Variants in TNS1 observed in about 807,000 individuals in gnomAD.
TNS1 encodes tensin-1.
A neutral mutation model predicts 168.6 loss-of-function variants in TNS1; 62 were observed. That is an observed-to-expected ratio of 0.37 (90% CI 0.30 to 0.45). The LOEUF is 0.45. Ranked by LOEUF, TNS1 falls within the 20% of genes least tolerant of loss-of-function variation. The pLI, the probability that TNS1 is intolerant of heterozygous loss-of-function variation, is 1.00. For synonymous variants in TNS1, 934 were observed against 933.2 expected, an observed-to-expected ratio of 1.00 and a Z score of -0.02; for missense variants, 2,240 against 2,339.4, an observed-to-expected ratio of 0.96 and a Z score of 0.88.
chr2:217,826,930 G>A (rs1943710600), intron 22 of TNS1, among the ~76,000 whole-genome samples: 1 of 152,124 alleles, frequency 6.6e-6, no homozygotes, highest in Non-Finnish European at 1.5e-5. Context: ...GAGAGAAGGG[G>A]CACACCCACC....
At chr2:217,886,810 T>C (rs13382502) in intron 12 of TNS1, among the ~76,000 whole-genome samples, 164 bp from the exon 13 acceptor site, 6,980 of 152,092 alleles carry the variant, frequency 0.046, 538 homozygotes, top group African/African-American at 0.16. Context: ...CCAGACATGC[T>C]TGCCTGCTGC....
intron 3 of TNS1, among the ~76,000 whole-genome samples, chr2:217,973,452 C>T (rs1957820285): frequency 6.6e-6 from 1 of 150,804 alleles, no homozygotes; most frequent in African/African-American, 2.4e-5. Context: ...CAACTGGGGA[C>T]AGATAAGGAC....
intron 3 of TNS1, among the ~76,000 whole-genome samples, chr2:217,946,728 CT>C (rs1368053124): frequency 2.0e-5 from 3 of 151,928 alleles, no homozygotes; most frequent in Non-Finnish European, 4.4e-5. Context: ...TATCCATCCC[CT>C]ACCCCATCAT....
intron 3 of TNS1, among the ~76,000 whole-genome samples, chr2:217,970,909 TAA>T (rs1162881945): frequency 6.9e-6 from 1 of 145,640 alleles, no homozygotes. Context: ...ATAAAGTTGT[TAA>T]AAAAAAAAAC....
Position 218,033,440 on chromosome 2 carries a change from G to C in TNS1, c.156+380C>G, listed in dbSNP as rs1435668512. ...ACTCCAGAGTCCTCCTAAATGAAGGGACACTGCCAGAGCTGCCCCTTGGTC... is the reference window on the plus strand; with the variant it reads ...ACTCCAGAGTCCTCCTAAATGAAGGCACACTGCCAGAGCTGCCCCTTGGTC... On this transcript the variant is annotated intron_variant, in intron 1 of 1. Transcript: ENST00000649572. The surrounding 1 kb of genome is among the most constrained non-coding windows in gnomAD (Gnocchi z 4.3). Among the ~76,000 whole-genome samples, 3 of 152,082 alleles carry C rather than the reference G, an allele frequency of 2.0e-5. No homozygotes were observed. Among genetic ancestry groups the C allele is most frequent in the Non-Finnish European group, 4.4e-5 (3 of 67,986 alleles).
intron 19 of TNS1, among the ~76,000 whole-genome samples, chr2:217,846,312 A>T (rs761462787): frequency 2.0e-5 from 3 of 152,142 alleles, no homozygotes; most frequent in Non-Finnish European, 4.4e-5. Flanking sequence ...GCTCTGAAGT[A>T]TAGGAGCAGG....
chr2:217,983,732 C>T (rs926413530), intron 2 of TNS1, among the ~76,000 whole-genome samples: 1 of 152,232 alleles, frequency 6.6e-6, no homozygotes, highest in Non-Finnish European at 1.5e-5. Flanking sequence ...GGCTTCAGCT[C>T]CTTCCATGGC....
intron 28 of TNS1, 34 bp from the exon 29 acceptor site, chr2:217,810,353 A>G (rs1181388009): frequency 3.1e-6 from 5 of 1,608,156 alleles, no homozygotes; most frequent in Non-Finnish European, 4.3e-6. Flanking sequence ...TTAAAACCCT[A>G]GAGCTGGAAA....
intron 18 of TNS1, among the ~76,000 whole-genome samples, chr2:217,873,743 A>G (rs936027612): frequency 6.6e-6 from 1 of 152,172 alleles, no homozygotes; most frequent in Non-Finnish European, 1.5e-5. Context: ...ACTTTTGGGC[A>G]GTTGGACAGG....
intron 3 of TNS1, among the ~76,000 whole-genome samples, chr2:217,946,959 T>TCACAAACACA (rs1203032369): frequency 7.8e-6 from 1 of 128,666 alleles, no homozygotes; most frequent in Non-Finnish European, 1.5e-5. Context: ...TCTCTCTCTC[T>TCACAAACACA]CTCTCTCTCT....
At chr2:218,028,937 C>T (rs1453663369) in intron 1 of TNS1, among the ~76,000 whole-genome samples, 1 of 152,234 alleles carries the variant, frequency 6.6e-6, no homozygotes, top group Non-Finnish European at 1.5e-5. Flanking sequence ...TCTGCCTTAG[C>T]TTGCCTGCCC....
At chr2:217,968,809 G>A (rs558721829) in intron 3 of TNS1, among the ~76,000 whole-genome samples, 18 of 151,978 alleles carry the variant, frequency 1.2e-4, no homozygotes, top group Non-Finnish European at 2.4e-4. Context: ...ATCTTCCTAC[G>A]TCAGCCTCCC....
intron 22 of TNS1, among the ~76,000 whole-genome samples, chr2:217,828,845 C>T (rs1002803790): frequency 1.3e-5 from 2 of 152,188 alleles, no homozygotes; most frequent in East Asian, 3.8e-4. Flanking sequence ...CTGAGATCCC[C>T]GAAAGACAGA....
intron 1 of TNS1, among the ~76,000 whole-genome samples, chr2:218,020,607 A>C (rs2106008747): frequency 6.6e-6 from 1 of 152,040 alleles, no homozygotes; most frequent in South Asian, 2.1e-4. Flanking sequence ...CATGATCCTA[A>C]AACAGGAAGG....
intron 13 of TNS1, 60 bp from the exon 14 acceptor site, chr2:217,886,164 A>T: frequency 6.4e-7 from 1 of 1,564,104 alleles, no homozygotes; most frequent in Non-Finnish European, 8.8e-7. Context: ...GGAGGGGCAG[A>T]GGAGACAGTG....
At chr2:217,841,097 G>T in intron 19 of TNS1, 1 of 431,112 alleles carries the variant, frequency 2.3e-6, no homozygotes, top group Non-Finnish European at 3.1e-6. Context: ...AGGTGGGAAA[G>T]ATTTGGAAGG....
rs1958925429 is a variant in TNS1, at chr2:218,033,887, G to C, written c.89C>G (p.Ser30Trp). 6.6e-6 allele frequency among the ~76,000 whole-genome samples: 1 copy of C among 152,176 alleles called. No individual in the cohort carries two copies. Among genetic ancestry groups the C allele is most frequent in the African/African-American group, 2.4e-5 (1 of 41,444 alleles). Residue 30 changes from serine (S) to tryptophan (W), a missense_variant, in exon 1 of 2, where the codon TCG becomes TGG. Ser to Trp is a radical substitution (Grantham distance 177). Transcript: ENST00000649572. The surrounding 1 kb of genome is among the most constrained non-coding windows in gnomAD (Gnocchi z 4.3). ...GGACTCCCAGCACTCAGCCCGCGCC[G>C]AGACCCAGGGACTCCCCGGGGGCTG...
At chr2:218,011,353 C>T (rs1423857987), upstream of TNS1, among the ~76,000 whole-genome samples, 1 of 151,880 alleles carries the variant, frequency 6.6e-6, no homozygotes, top group Non-Finnish European at 1.5e-5. Flanking sequence ...GCAGAGAGTG[C>T]GGAGAGCTGG....
chr2:217,819,280 C>A (rs544170828), intron 23 of TNS1, among the ~76,000 whole-genome samples: 1 of 152,080 alleles, frequency 6.6e-6, no homozygotes, highest in Non-Finnish European at 1.5e-5. Flanking sequence ...TCCAAAAAAG[C>A]AAAGACAAGG....
Sources: gnomAD v4.1 joint callset for allele counts (sites outside exome capture counted in the v4.1 genomes callset) on GRCh38, gnomAD v4.1.1 for gene constraint, Gnocchi (gnomAD v3.1) non-coding constraint, MANE v1.5 for transcripts, NCBI Gene and HGNC (gene_info 2026-07-23, HGNC 2026-07-21) for gene names.